Variants in NSMCE1 observed in about 807,000 individuals in gnomAD.
The protein encoded by NSMCE1 is non-structural maintenance of chromosomes element 1 homolog.
A neutral mutation model predicts 29.6 loss-of-function variants in NSMCE1; 18 were observed. The ratio of observed to expected loss-of-function variants is 0.61; its 90% confidence interval spans 0.42 to 0.90. The LOEUF is 0.90. NSMCE1 is among the 40% of genes least tolerant of loss of function. NSMCE1 has a pLI of 0.00. For synonymous variants in NSMCE1, 124 were observed against 133.4 expected, an observed-to-expected ratio of 0.93 and a Z score of 0.49; for missense variants, 314 against 343.6, an observed-to-expected ratio of 0.91 and a Z score of 0.68.
At position 27,235,204 on chromosome 16, in the gene NSMCE1, C is replaced by T; in HGVS notation, c.232G>A (p.Asp78Asn). ...AACGCATAAATGGGTCTCCCATCAT[C>T]TTCCGTGACTCCTCTCTTTATCTCA... Reference protein sequence around the residue: ...YIEIKRGVTEDDGRPIYALVN... With the variant: ...YIEIKRGVTENDGRPIYALVN... The change falls in exon 3 of 8, where the codon GAT becomes AAT. Residue 78 changes from aspartate (D) to asparagine (N), a missense_variant. Coordinates refer to ENST00000361439, the MANE Select transcript of NSMCE1 (RefSeq NM_145080.4). 1 of 1,614,056 alleles carries T rather than the reference C, an allele frequency of 6.2e-7. No homozygotes were observed. The highest frequency in any genetic ancestry group is 8.5e-7 in the Non-Finnish European group (1 of 1,179,974).
intron 2 of NSMCE1, among the ~76,000 whole-genome samples, chr16:27,254,128 CA>C (rs2084061048): frequency 6.6e-6 from 1 of 152,204 alleles, no homozygotes; most frequent in Non-Finnish European, 1.5e-5. Flanking sequence ...GCCATCTCTT[CA>C]AAAGATAGGA....
chr16:27,234,416 C>T, intron 3 of NSMCE1, 151 bp from the exon 4 acceptor site: 1 of 658,584 alleles, frequency 1.5e-6, no homozygotes, highest in South Asian at 1.7e-5. Flanking sequence ...GATCTGTAAC[C>T]AGGCGTATAT....
Position 27,258,744 on chromosome 16 carries a change from GTTCTTTTTTTT to G in NSMCE1, c.-11-1174_-11-1164del, listed in dbSNP as rs1366000388. Among the ~76,000 whole-genome samples the G allele has an allele frequency of 4.6e-5, 7 of 151,726 alleles. No homozygotes were observed. The South Asian group carries it at 1.3e-3, about 27-fold the overall frequency. ...CAAGACTGCTAATTACTGCTCTTTT[GTTCTTTTTTTT>G]TTCTTTTTTTTCTGAGATGGAGTCT... On this transcript the variant is annotated intron_variant, in intron 1 of 7. Coordinates refer to ENST00000361439, the MANE Select transcript of NSMCE1 (RefSeq NM_145080.4).
At chr16:27,238,542 CT>C (rs34970492) in intron 2 of NSMCE1, among the ~76,000 whole-genome samples, 107 of 74,196 alleles carry the variant, frequency 1.4e-3, no homozygotes, top group Middle Eastern at 5.7e-3. Flanking sequence ...CGCCTTTTTT[CT>C]TTTTTTTTTT....
At chr16:27,267,376 T>G (rs1328521807) in intron 1 of NSMCE1, among the ~76,000 whole-genome samples, 2 of 152,174 alleles carry the variant, frequency 1.3e-5, no homozygotes, top group Non-Finnish European at 2.9e-5. Context: ...AACAACCTTA[T>G]GAGCAAAGGG....
intron 2 of NSMCE1, among the ~76,000 whole-genome samples, chr16:27,245,215 A>G (rs2083942875): frequency 6.6e-6 from 1 of 152,244 alleles, no homozygotes; most frequent in South Asian, 2.1e-4. Flanking sequence ...TGTCCCTTAT[A>G]ACACAGAAAG....
chr16:27,228,576 A>T lies in NSMCE1; in HGVS notation c.484-1740T>A, dbSNP rs553462657. On this transcript the variant is annotated intron_variant, in intron 5 of 7. Transcript: ENST00000361439. ...CCCTCCCCTCCAGATCCATCACAGC[A>T]CCCCACATCCCCAGCCACCACCCTC... Among the ~76,000 whole-genome samples the T allele has an allele frequency of 3.0e-5, 3 of 100,966 alleles. No homozygotes were observed. The East Asian group carries it at 8.8e-4, about 30-fold the overall frequency. The allele number at this position is 100,966 out of a possible 152,430, so 66.2% of individuals were successfully genotyped here.
chr16:27,246,408 C>G (rs2083959306), intron 2 of NSMCE1, among the ~76,000 whole-genome samples: 1 of 152,196 alleles, frequency 6.6e-6, no homozygotes, highest in Non-Finnish European at 1.5e-5. Context: ...GAGTATAGAA[C>G]TGTACCTCAC....
At chr16:27,228,078 C>G (rs1019832287) in intron 5 of NSMCE1, among the ~76,000 whole-genome samples, 4 of 152,152 alleles carry the variant, frequency 2.6e-5, no homozygotes, top group Non-Finnish European at 5.9e-5. Context: ...AGTCACCGCA[C>G]CCAGCCCACT....
intron 2 of NSMCE1, among the ~76,000 whole-genome samples, chr16:27,255,496 G>C (rs4787417): frequency 6.6e-6 from 1 of 152,030 alleles, no homozygotes; most frequent in South Asian, 2.1e-4. Context: ...GGATTCCCAG[G>C]GTAGGTTATC....
At chr16:27,262,529 G>A (rs2084170470) in intron 1 of NSMCE1, among the ~76,000 whole-genome samples, 1 of 152,154 alleles carries the variant, frequency 6.6e-6, no homozygotes, top group Non-Finnish European at 1.5e-5. Flanking sequence ...GCTAGTATAA[G>A]TGGCTAGCCA....
At chr16:27,226,982 A>C (rs2083704585) in intron 5 of NSMCE1, 146 bp from the exon 6 acceptor site, 1 of 634,124 alleles carries the variant, frequency 1.6e-6, no homozygotes, top group Non-Finnish European at 2.8e-6. Context: ...AACGGGCATC[A>C]GCCACATCCC....
chr16:27,232,651 G>A lies in NSMCE1; in HGVS notation c.483+350C>T, dbSNP rs1238949138. Among the ~76,000 whole-genome samples the A allele has an allele frequency of 6.6e-6, 1 of 152,270 alleles. No individual in the cohort carries two copies. The highest frequency in any genetic ancestry group is 2.4e-5 in the African/African-American group (1 of 41,474). ...ATGAGGTCACCTGGCTCAGGGTTCA[G>A]ACCCGGGTTAGATGTTAGAGCCACA... On this transcript the variant is annotated intron_variant, in intron 5 of 7. Coordinates refer to ENST00000361439, the MANE Select transcript of NSMCE1 (RefSeq NM_145080.4). This position sits in a 1 kb window ranked among gnomAD's most constrained non-coding sequence, Gnocchi z 4.5.
intron 1 of NSMCE1, among the ~76,000 whole-genome samples, 168 bp from the exon 2 acceptor site, chr16:27,257,749 G>C (rs2084103920): frequency 6.6e-6 from 1 of 152,140 alleles, no homozygotes. Context: ...CACAGCATCA[G>C]GACTGGGCAG....
At chr16:27,231,920 T>C (rs2083766680) in intron 5 of NSMCE1, among the ~76,000 whole-genome samples, 1 of 152,062 alleles carries the variant, frequency 6.6e-6, no homozygotes, top group Admixed American at 6.5e-5. Flanking sequence ...AGACATGACA[T>C]ACGGGAACGC....
intron 7 of NSMCE1, 45 bp from the exon 8 acceptor site, chr16:27,225,281 G>C: frequency 1.7e-6 from 2 of 1,162,256 alleles, no homozygotes. Flanking sequence ...TGGAGGGGCT[G>C]GCAGCACAGG....
At chr16:27,264,170 C>A (rs1419344339) in intron 1 of NSMCE1, among the ~76,000 whole-genome samples, 1 of 152,034 alleles carries the variant, frequency 6.6e-6, no homozygotes, top group Non-Finnish European at 1.5e-5. Flanking sequence ...TCAACACCAG[C>A]CTGGGCAATG....
chr16:27,228,114 C>G (rs766564260), intron 5 of NSMCE1, among the ~76,000 whole-genome samples: 75 of 152,148 alleles, frequency 4.9e-4, no homozygotes, highest in Non-Finnish European at 3.5e-4. Flanking sequence ...TAGAGCCCCC[C>G]ACCCCATTCC....
At chr16:27,234,401 G>T in intron 3 of NSMCE1, 136 bp from the exon 4 acceptor site, 1 of 688,188 alleles carries the variant, frequency 1.5e-6, no homozygotes, top group South Asian at 1.6e-5. Flanking sequence ...CGGGCCGCAG[G>T]GATGGATCTG....
Sources: gnomAD v4.1 joint callset for allele counts (sites outside exome capture counted in the v4.1 genomes callset) on GRCh38, gnomAD v4.1.1 for gene constraint, Gnocchi (gnomAD v3.1) non-coding constraint, MANE v1.5 for transcripts, NCBI Gene and HGNC (gene_info 2026-07-23, HGNC 2026-07-21) for gene names.